SCN11A: variants seen among roughly 807,000 people sequenced by gnomAD.
SCN11A encodes the protein sodium channel protein type 11 subunit alpha.
A neutral mutation model predicts 162.2 loss-of-function variants in SCN11A; 122 were observed. That is an observed-to-expected ratio of 0.75 (90% CI 0.65 to 0.87). SCN11A has a LOEUF of 0.87. Among genes scored for constraint, SCN11A ranks in the 40% least tolerant of loss-of-function variants. The probability of loss-of-function intolerance (pLI) is 0.00; values close to 1 mark genes in which losing one functional copy is unlikely to be tolerated. For missense variants in SCN11A, 2,015 were observed against 2,181.6 expected (o/e 0.92, Z 1.52); for synonymous variants, 758 against 751.5 (o/e 1.01, Z -0.14).
chr3:39,049,347 G>A (rs2032266062), intron 1 of SCN11A, among the ~76,000 whole-genome samples: 1 of 152,270 alleles, frequency 6.6e-6, no homozygotes, highest in Non-Finnish European at 1.5e-5. Context: ...ATTGCAGAGT[G>A]AATTTCTTGG....
At chr3:38,938,517 T>C (rs1233371635) in intron 7 of SCN11A, among the ~76,000 whole-genome samples, 488 of 12,918 alleles carry the variant, frequency 0.038, 5 homozygotes, top group African/African-American at 0.062. Flanking sequence ...ATCATATATA[T>C]ATATATATAT....
At chr3:38,865,756 C>T (rs1429090615) in intron 27 of SCN11A, among the ~76,000 whole-genome samples, 1 of 151,998 alleles carries the variant, frequency 6.6e-6, no homozygotes, top group Non-Finnish European at 1.5e-5. Flanking sequence ...TAAAAATAGA[C>T]AAATGATATA....
rs754133042 is a variant in SCN11A, at chr3:38,847,165, T to TG, written c.4904dup (p.Glu1636ArgfsTer13). On this transcript the variant is annotated frameshift_variant, in exon 30 of 30. Coordinates refer to ENST00000302328, the MANE Select transcript of SCN11A (RefSeq NM_001349253.2). LOFTEE classifies it low-confidence loss of function (END_TRUNC). ...AATATTTGATAAATTGTGTTGCTTC[T>TG]GGGTCAAACTTTTCCCACACTTCAT... The TG allele has an allele frequency of 6.2e-7, 1 of 1,614,244 alleles. No homozygotes were observed. Among genetic ancestry groups the TG allele is most frequent in the South Asian group, 1.1e-5 (1 of 91,086 alleles).
chr3:38,945,808 G>A (rs926161088), intron 6 of SCN11A, among the ~76,000 whole-genome samples: 7 of 152,144 alleles, frequency 4.6e-5, no homozygotes, highest in Admixed American at 1.3e-4. Context: ...AGAGTTCTTC[G>A]TGGGATCAGA....
chr3:38,996,546 T>C (rs2030637268), intron 2 of SCN11A, among the ~76,000 whole-genome samples: 2 of 152,166 alleles, frequency 1.3e-5, no homozygotes, highest in South Asian at 4.1e-4. Context: ...GTGTTGTCTT[T>C]TATTGTAAAT....
chr3:38,873,806 A>G (rs768489646), intron 23 of SCN11A, among the ~76,000 whole-genome samples: 14 of 152,138 alleles, frequency 9.2e-5, no homozygotes, highest in Non-Finnish European at 1.9e-4. Flanking sequence ...GTTTTATCTT[A>G]TTTTTAAAAT....
At chr3:38,861,845 C>T (rs2064968980) in intron 28 of SCN11A, among the ~76,000 whole-genome samples, 1 of 151,916 alleles carries the variant, frequency 6.6e-6, no homozygotes, top group Non-Finnish European at 1.5e-5. Flanking sequence ...AATTCATGAC[C>T]AAGAACCCAA....
intron 26 of SCN11A, 117 bp from the exon 27 acceptor site, chr3:38,867,575 C>T (rs2065061996): frequency 1.4e-6 from 1 of 729,748 alleles, no homozygotes; most frequent in African/African-American, 1.8e-5. Flanking sequence ...GACTACATAG[C>T]CTCTTCCTAA....
At chr3:38,976,297 T>C (rs967720076) in intron 2 of SCN11A, among the ~76,000 whole-genome samples, 8 of 152,212 alleles carry the variant, frequency 5.3e-5, no homozygotes, top group Admixed American at 2.0e-4. Flanking sequence ...TTATGAGGAC[T>C]GTTTCTTAGT....
intron 19 of SCN11A, among the ~76,000 whole-genome samples, chr3:38,892,797 GAGAT>G (rs1343620250): frequency 1.3e-5 from 2 of 152,000 alleles, no homozygotes; most frequent in African/African-American, 4.8e-5. Context: ...ATATAAATCT[GAGAT>G]AGACTCTGAT....
In SCN11A at chr3:39,015,397, G is replaced by A. The variant is rs145098701; in HGVS notation, c.-280+16983C>T. Among the ~76,000 whole-genome samples the A allele has an allele frequency of 8.5e-5, 13 of 152,116 alleles. No individual in the cohort carries two copies. The Middle Eastern group carries it at 0.014, about 159-fold the overall frequency. ...ACAAATGGACTAAGACAACCACTTT[G>A]GGTTTCTATACACAAACCCACTGAG... On this transcript the variant is annotated intron_variant, in intron 2 of 29. Coordinates refer to ENST00000302328, the MANE Select transcript of SCN11A (RefSeq NM_001349253.2).
rs543979873 is a variant in SCN11A at position 38,964,863 on chromosome 3, C to T, written c.-279-4440G>A. ...TCACACAGCAGGCATGATACTGGCACCGTCTCAAGCTCTCGATTACTTTAG... is the reference window on the plus strand; with the variant it reads ...TCACACAGCAGGCATGATACTGGCATCGTCTCAAGCTCTCGATTACTTTAG... On this transcript the variant is annotated intron_variant, in intron 2 of 29. Transcript: ENST00000302328. 1.4e-4 allele frequency among the ~76,000 whole-genome samples: 21 copies of T among 152,356 alleles called. No homozygotes were observed. The South Asian group carries it at 3.3e-3, about 24-fold the overall frequency.
chr3:38,849,034 A>T (rs1014972964), intron 29 of SCN11A, among the ~76,000 whole-genome samples: 1 of 152,298 alleles, frequency 6.6e-6, no homozygotes, highest in East Asian at 1.9e-4. Flanking sequence ...TAATATGTAG[A>T]TTTTCTCATC....
intron 1 of SCN11A, among the ~76,000 whole-genome samples, chr3:39,049,402 C>T (rs1380983999): frequency 6.6e-6 from 1 of 152,244 alleles, no homozygotes; most frequent in Non-Finnish European, 1.5e-5. Context: ...GTCTAAAGCA[C>T]TGAGTAATTC....
At chr3:39,008,292 A>C (rs1199208968) in intron 2 of SCN11A, among the ~76,000 whole-genome samples, 2 of 151,308 alleles carry the variant, frequency 1.3e-5, no homozygotes, top group East Asian at 3.8e-4. Context: ...CAAGTATGAG[A>C]GGAGAATAAA....
At chr3:38,922,502 G>A (rs974513560) in intron 9 of SCN11A, among the ~76,000 whole-genome samples, 1 of 152,182 alleles carries the variant, frequency 6.6e-6, no homozygotes, top group African/African-American at 2.4e-5. Flanking sequence ...TGCATTTAAT[G>A]GGCCAAAATA....
At chr3:38,952,165 C>T (rs147895999) in intron 4 of SCN11A, among the ~76,000 whole-genome samples, 2,432 of 152,200 alleles carry the variant, frequency 0.016, 68 homozygotes, top group African/African-American at 0.056. Context: ...ACACTCACCG[C>T]GAGAGTCCGA....
intron 7 of SCN11A, among the ~76,000 whole-genome samples, chr3:38,933,432 C>T (rs1045386747): frequency 2.6e-5 from 4 of 152,114 alleles, no homozygotes; most frequent in African/African-American, 9.7e-5. Flanking sequence ...CTCCGAGCTA[C>T]AGGAGGAAAT....
chr3:39,047,684 AAAAAACCC>A (rs1179267282), intron 1 of SCN11A, among the ~76,000 whole-genome samples: 57 of 152,324 alleles, frequency 3.7e-4, no homozygotes, highest in Admixed American at 2.4e-3. Context: ...TCAATAGCAA[AAAAAACCC>A]AAATAATTTT....
Sources: allele counts gnomAD v4.1 joint callset (sites outside exome capture counted in the v4.1 genomes callset), GRCh38; gene constraint gnomAD v4.1.1; transcripts MANE v1.5; gene names NCBI Gene and HGNC (gene_info 2026-07-23, HGNC 2026-07-21).